Variants in MPPED1 observed in about 807,000 individuals in gnomAD.
The protein encoded by MPPED1 is metallophosphoesterase domain containing 1.
Under a neutral mutation model 36.2 loss-of-function variants are expected in MPPED1, and 16 were observed. The ratio of observed to expected loss-of-function variants is 0.44; its 90% CI spans 0.30 to 0.67. The LOEUF (loss-of-function observed/expected upper bound fraction) is 0.67, where lower values mean the gene tolerates loss of function less well. Among genes scored for constraint, MPPED1 ranks in the 30% least tolerant of loss-of-function variants. The pLI is 0.10. For synonymous variants in MPPED1, 199 were observed against 191.3 expected (o/e 1.04, Z -0.33); for missense variants, 307 against 453.4 (o/e 0.68, Z 2.93).
At chr22:43,489,758 A>T (rs2146902960) in intron 4 of MPPED1, among the ~76,000 whole-genome samples, 1 of 152,180 alleles carries the variant, frequency 6.6e-6, no homozygotes. Context: ...ACCTGAGGTG[A>T]TCCACCCACC....
intron 3 of MPPED1, among the ~76,000 whole-genome samples, chr22:43,449,180 G>T (rs1428879184): frequency 6.6e-6 from 1 of 152,134 alleles, no homozygotes; most frequent in Admixed American, 6.6e-5. Flanking sequence ...AAGTCACACG[G>T]GGGCTTAACA....
At chr22:43,436,957 G>A (rs1929982768) in intron 3 of MPPED1, among the ~76,000 whole-genome samples, 1 of 152,248 alleles carries the variant, frequency 6.6e-6, no homozygotes, top group South Asian at 2.1e-4. Context: ...TGGAAAGTGT[G>A]AACTTACAAC....
chr22:43,447,883 A>ATATATATATATATATATATATATTTTTTT (rs1321289636), intron 3 of MPPED1, among the ~76,000 whole-genome samples: 2 of 67,738 alleles, frequency 3.0e-5, no homozygotes, highest in Non-Finnish European at 5.3e-5. Flanking sequence ...ATATATATAT[A>ATATATATATATATATATATATATTTTTTT]TTTTTTTTTT....
chr22:43,434,942 C>T, intron 2 of MPPED1, 92 bp from the exon 3 acceptor site: 1 of 1,347,922 alleles, frequency 7.4e-7, no homozygotes, highest in African/African-American at 1.4e-5. Context: ...ATTGATGGGG[C>T]TGTGAGCTGT....
intron 2 of MPPED1, among the ~76,000 whole-genome samples, chr22:43,427,692 C>T (rs986563384): frequency 2.0e-5 from 3 of 152,164 alleles, no homozygotes; most frequent in Non-Finnish European, 4.4e-5. Flanking sequence ...ACCTTGGGCG[C>T]TGAGCTTGCC....
At chr22:43,423,928 C>G (rs1287022332) in intron 1 of MPPED1, among the ~76,000 whole-genome samples, 1 of 152,130 alleles carries the variant, frequency 6.6e-6, no homozygotes, top group Non-Finnish European at 1.5e-5. Flanking sequence ...TGAAAAGGAA[C>G]AAGACAACTC....
intron 3 of MPPED1, among the ~76,000 whole-genome samples, chr22:43,443,377 G>A (rs1930220838): frequency 6.6e-6 from 1 of 152,320 alleles, no homozygotes; most frequent in Admixed American, 6.5e-5. Flanking sequence ...ACTGTAGCAG[G>A]CAGGAGAGGA....
At chr22:43,495,137 G>A (rs1932218894) in intron 4 of MPPED1, among the ~76,000 whole-genome samples, 1 of 151,852 alleles carries the variant, frequency 6.6e-6, no homozygotes, top group African/African-American at 2.4e-5. Flanking sequence ...AGGAGGTGGT[G>A]GTGGTGGTGA....
At chr22:43,440,746 C>T (rs570942524) in intron 3 of MPPED1, among the ~76,000 whole-genome samples, 3 of 152,234 alleles carry the variant, frequency 2.0e-5, no homozygotes, top group Non-Finnish European at 4.4e-5. Flanking sequence ...GCCCCCACAG[C>T]CTGAGGACCC....
At chr22:43,451,532 G>T (rs1437237957) in intron 3 of MPPED1, among the ~76,000 whole-genome samples, 1 of 152,202 alleles carries the variant, frequency 6.6e-6, no homozygotes, top group Non-Finnish European at 1.5e-5. Context: ...GCGGAAGGCC[G>T]TTTGGAGCTA....
chr22:43,498,284 C>A lies in MPPED1; in HGVS notation c.682C>A (p.Leu228Met), dbSNP rs1340376920. 3 of 1,535,400 alleles carry A rather than the reference C, an allele frequency of 2.0e-6. No individual in the cohort carries two copies. Among genetic ancestry groups the A allele is most frequent in the Non-Finnish European group, 2.6e-6 (3 of 1,146,566 alleles). Residue 228 changes from leucine to methionine, a missense_variant, in exon 5 of 7, where the codon CTG becomes ATG. By Grantham distance (15) the Leu-to-Met change is conservative. Coordinates refer to ENST00000443721, the MANE Select transcript of MPPED1 (RefSeq NM_001044370.2). Reference sequence around the variant, plus strand: ...CTTCAACCTCCCGCGAGGCCAAGCCCTGCTGGAGAAATGGAACCTCATTCC... The same window carrying A: ...CTTCAACCTCCCGCGAGGCCAAGCCATGCTGGAGAAATGGAACCTCATTCC... Reference protein sequence around the residue: ...WGFNLPRGQALLEKWNLIPEG... With the variant: ...WGFNLPRGQAMLEKWNLIPEG...
intron 3 of MPPED1, among the ~76,000 whole-genome samples, chr22:43,467,637 C>T (rs941282429): frequency 1.3e-5 from 2 of 152,154 alleles, no homozygotes; most frequent in Non-Finnish European, 2.9e-5. Flanking sequence ...TCCTAGACAT[C>T]GGCAAGTGTT....
chr22:43,436,421 G>A (rs1461512301), intron 3 of MPPED1, among the ~76,000 whole-genome samples: 1 of 152,266 alleles, frequency 6.6e-6, no homozygotes, highest in Non-Finnish European at 1.5e-5. Context: ...GTGAGCCAGG[G>A]GCCCGACTCT....
At chr22:43,499,719 A>G (rs866643919) in intron 5 of MPPED1, among the ~76,000 whole-genome samples, 7 of 44,430 alleles carry the variant, frequency 1.6e-4, no homozygotes, top group South Asian at 1.1e-3. Flanking sequence ...GGTGGTGGTG[A>G]TGGAGGTGGT....
intron 3 of MPPED1, among the ~76,000 whole-genome samples, chr22:43,457,118 C>T (rs943528695): frequency 1.3e-5 from 2 of 152,164 alleles, no homozygotes; most frequent in Non-Finnish European, 2.9e-5. Context: ...ATCAAAGCCT[C>T]CTAGACTGAG....
Position 43,502,174 on chromosome 22 carries a change from C to G in MPPED1, c.749-470C>G, listed in dbSNP as rs1932751511. ...TGAGTCTGTGCTGTTTAGGAAGTTT[C>G]TGACATGGAAATCTCACTCCTGGGC... On this transcript the variant is annotated intron_variant, in intron 5 of 6. Coordinates refer to ENST00000443721, the MANE Select transcript of MPPED1 (RefSeq NM_001044370.2). The surrounding 1 kb of genome is among the most constrained non-coding windows in gnomAD (Gnocchi z 5.5). Among the ~76,000 whole-genome samples the G allele has an allele frequency of 6.6e-6, 1 of 152,172 alleles. No homozygotes were observed. The highest frequency in any genetic ancestry group is 2.4e-5 in the African/African-American group (1 of 41,444).
intron 3 of MPPED1, among the ~76,000 whole-genome samples, chr22:43,445,995 CT>C (rs1293473821): frequency 6.6e-6 from 1 of 151,138 alleles, no homozygotes. Context: ...CTTAGCCCCC[CT>C]AGTAGCTGGG....
At chr22:43,488,258 GC>G (rs138947633) in intron 4 of MPPED1, among the ~76,000 whole-genome samples, 6,347 of 152,208 alleles carry the variant, frequency 0.042, 166 homozygotes, top group Non-Finnish European at 0.063. Flanking sequence ...GCCCCCCAAG[GC>G]CCCAGCACTC....
intron 4 of MPPED1, among the ~76,000 whole-genome samples, chr22:43,484,752 G>A (rs1454390851): frequency 6.6e-6 from 1 of 152,144 alleles, no homozygotes; most frequent in Admixed American, 6.5e-5. Context: ...GTCATCTAGG[G>A]CAGGTGTGAG....
Sources: gnomAD v4.1 joint callset for allele counts (sites outside exome capture counted in the v4.1 genomes callset) on GRCh38, gnomAD v4.1.1 for gene constraint, Gnocchi (gnomAD v3.1) non-coding constraint, MANE v1.5 for transcripts, NCBI Gene and HGNC (gene_info 2026-07-23, HGNC 2026-07-21) for gene names.